IMMP2L: variants seen among roughly 807,000 people sequenced by gnomAD.
IMMP2L encodes mitochondrial inner membrane protease subunit 2.
IMMP2L carries 18 observed loss-of-function variants against 19.3 expected under a neutral mutation model. The ratio of observed to expected loss-of-function variants is 0.93; its 90% CI spans 0.64 to 1.38. The LOEUF is 1.38. Ranked by LOEUF, IMMP2L falls within the 40% of genes most tolerant of loss-of-function variation. The pLI is 0.00. For missense variants in IMMP2L, 233 were observed against 218.2 expected (o/e 1.07, Z -0.43); for synonymous variants, 76 against 73.0 (o/e 1.04, Z -0.21).
At position 111,159,769 on chromosome 7, in the gene IMMP2L, GA is replaced by G. The variant is rs534959795; in HGVS notation, c.240-196205del. On this transcript the variant is annotated intron_variant, in intron 3 of 5. Coordinates refer to ENST00000405709, the MANE Select transcript of IMMP2L (RefSeq NM_032549.4). ...TTTTCTAACAGACACATTTAAAAAGGAAAAAAAGTGAACTTTTGATAATATA... is the reference window on the plus strand; with the variant it reads ...TTTTCTAACAGACACATTTAAAAAGGAAAAAAGTGAACTTTTGATAATATA... Among the ~76,000 whole-genome samples, 1,500 of 151,854 alleles carry G rather than the reference GA, an allele frequency of 9.9e-3. 9 individuals carry two copies. Among genetic ancestry groups the G allele is most frequent in the Non-Finnish European group, 0.016 (1,114 of 67,896 alleles).
chr7:111,203,768 G>T (rs920724033), intron 3 of IMMP2L, among the ~76,000 whole-genome samples: 4 of 151,660 alleles, frequency 2.6e-5, no homozygotes, highest in Non-Finnish European at 5.9e-5. Context: ...GATCCTCGGG[G>T]TATTTATGCA....
chr7:110,736,231 G>A (rs558581558), intron 5 of IMMP2L, among the ~76,000 whole-genome samples: 2 of 152,302 alleles, frequency 1.3e-5, no homozygotes, highest in Non-Finnish European at 2.9e-5. Flanking sequence ...AAGCCTCAGG[G>A]TCCAGGCACA....
chr7:110,929,132 A>T (rs1815198496), intron 4 of IMMP2L, among the ~76,000 whole-genome samples: 1 of 152,150 alleles, frequency 6.6e-6, no homozygotes, highest in African/African-American at 2.4e-5. Flanking sequence ...AAAAGGAATA[A>T]AGATGAGACT....
intron 3 of IMMP2L, among the ~76,000 whole-genome samples, chr7:111,055,669 C>T (rs1050514868): frequency 1.3e-5 from 2 of 152,112 alleles, no homozygotes; most frequent in Non-Finnish European, 2.9e-5. Context: ...AATTGCTGTC[C>T]TTGGTCAAGA....
At chr7:110,976,357 G>A (rs1407282856) in intron 3 of IMMP2L, among the ~76,000 whole-genome samples, 1 of 151,834 alleles carries the variant, frequency 6.6e-6, no homozygotes, top group African/African-American at 2.4e-5. Flanking sequence ...TTGTCCTTTT[G>A]TGCCTGGCTT....
chr7:110,860,268 A>C lies in IMMP2L; in HGVS notation c.408+26325T>G, dbSNP rs1807257559. 2.0e-5 allele frequency among the ~76,000 whole-genome samples: 3 copies of C among 152,270 alleles called. No homozygotes were observed. The South Asian group carries it at 6.2e-4, about 32-fold the overall frequency. On this transcript the variant is annotated intron_variant, in intron 5 of 5. Transcript: ENST00000405709. ...AATAGCAAATTTTTCATTTATCCTA[A>C]GATTTAAAAAATATTTCAGTCACGT...
intron 3 of IMMP2L, among the ~76,000 whole-genome samples, chr7:111,259,008 T>A (rs374761119): frequency 1.3e-5 from 2 of 152,102 alleles, no homozygotes; most frequent in Non-Finnish European, 2.9e-5. Context: ...AGGTATAGCC[T>A]ATTGCTCCTA....
intron 3 of IMMP2L, among the ~76,000 whole-genome samples, chr7:111,016,752 TATAA>T (rs1372112233): frequency 8.3e-5 from 8 of 96,668 alleles, no homozygotes; most frequent in South Asian, 2.9e-4. Context: ...ATATATATTA[TATAA>T]ATATAGTTTA....
chr7:111,493,338 G>A (rs925624490), intron 2 of IMMP2L, among the ~76,000 whole-genome samples: 3 of 152,028 alleles, frequency 2.0e-5, no homozygotes, highest in Non-Finnish European at 4.4e-5. Flanking sequence ...CTTGAATTGG[G>A]AAGTTGTTCC....
chr7:111,504,765 C>T (rs1256438901), intron 2 of IMMP2L, among the ~76,000 whole-genome samples: 1 of 152,116 alleles, frequency 6.6e-6, no homozygotes, highest in Non-Finnish European at 1.5e-5. Flanking sequence ...AACTGGCTAG[C>T]CATGTGTAGA....
intron 3 of IMMP2L, among the ~76,000 whole-genome samples, chr7:111,273,368 C>T (rs891317897): frequency 2.0e-5 from 3 of 151,876 alleles, no homozygotes; most frequent in African/African-American, 7.3e-5. Flanking sequence ...TTGGGCTGCA[C>T]GAGAAAGACA....
intron 5 of IMMP2L, among the ~76,000 whole-genome samples, chr7:110,759,464 A>G (rs1285267221): frequency 1.3e-5 from 2 of 152,162 alleles, no homozygotes. Flanking sequence ...GATATGGACT[A>G]AATGGATACT....
At chr7:110,929,991 G>A (rs1289849287) in intron 4 of IMMP2L, among the ~76,000 whole-genome samples, 1 of 152,144 alleles carries the variant, frequency 6.6e-6, no homozygotes, top group Admixed American at 6.6e-5. Context: ...ATTTATCAGA[G>A]TTTGGGAGGT....
chr7:111,452,010 A>C (rs554723875), intron 3 of IMMP2L, among the ~76,000 whole-genome samples: 1 of 152,238 alleles, frequency 6.6e-6, no homozygotes, highest in South Asian at 2.1e-4. Flanking sequence ...AGGCTGGGGA[A>C]GGTATCTCCC....
At chr7:111,047,394 G>C (rs1792509587) in intron 3 of IMMP2L, among the ~76,000 whole-genome samples, 1 of 151,954 alleles carries the variant, frequency 6.6e-6, no homozygotes, top group African/African-American at 2.4e-5. Flanking sequence ...CTCCATGTTG[G>C]TCAGGCTGGT....
chr7:111,279,982 T>C (rs1166925044), intron 3 of IMMP2L, among the ~76,000 whole-genome samples: 1 of 152,178 alleles, frequency 6.6e-6, no homozygotes. Context: ...CTCCTACTTC[T>C]ACTCTTGCCT....
chr7:110,769,578 A>G (rs1041586352), intron 5 of IMMP2L, among the ~76,000 whole-genome samples: 2 of 152,174 alleles, frequency 1.3e-5, no homozygotes, highest in African/African-American at 4.8e-5. Flanking sequence ...AGCAGCTCTC[A>G]TAAGAAGATC....
chr7:111,458,154 G>A (rs1291583888), intron 3 of IMMP2L, among the ~76,000 whole-genome samples: 1 of 152,154 alleles, frequency 6.6e-6, no homozygotes. Flanking sequence ...TGAGGCAGGT[G>A]GGTCACTGGA....
At chr7:110,862,416 T>C (rs1199604754) in intron 5 of IMMP2L, among the ~76,000 whole-genome samples, 1 of 151,916 alleles carries the variant, frequency 6.6e-6, no homozygotes, top group Non-Finnish European at 1.5e-5. Flanking sequence ...CATAGCTCAC[T>C]GCAGCCTCAA....
Sources: gnomAD v4.1 joint callset for allele counts (sites outside exome capture counted in the v4.1 genomes callset) on GRCh38, gnomAD v4.1.1 for gene constraint, MANE v1.5 for transcripts, NCBI Gene and HGNC (gene_info 2026-07-23, HGNC 2026-07-21) for gene names.